The following TTLL5 variants were observed in gnomAD, a reference collection of about 807,000 sequenced individuals.
TTLL5 encodes tubulin polyglutamylase TTLL5.
Under a neutral mutation model 168.4 loss-of-function variants are expected in TTLL5, and 132 were observed. The ratio of observed to expected loss-of-function variants is 0.78; its 90% CI spans 0.68 to 0.91. The LOEUF is 0.91. Ranked by LOEUF, TTLL5 falls within the 40% of genes least tolerant of loss-of-function variation. The pLI, the probability that TTLL5 is intolerant of heterozygous loss-of-function variation, is 0.00. For synonymous variants in TTLL5, 546 were observed against 558.6 expected (o/e 0.98, Z 0.32); for missense variants, 1,545 against 1,581.5 (o/e 0.98, Z 0.39).
rs528764413 is a variant in TTLL5, at chr14:75,680,814, A to G, written c.182-731A>G. On this transcript the variant is annotated intron_variant, in intron 3 of 31. Transcript: ENST00000298832. The stretch of plus-strand genomic sequence containing the variant: ...TAATTTTTTGTATTTTTAAGTAGAG[A>G]TGGGGTTTCACAATGTTGGCCAGGC... Among the ~76,000 whole-genome samples, 6 of 151,846 alleles carry G rather than the reference A, an allele frequency of 4.0e-5. No homozygotes were observed. The East Asian group carries it at 7.8e-4, about 20-fold the overall frequency.
rs116140816 is a variant in TTLL5, at chr14:75,742,296, C to T, written c.1282-2799C>T. On this transcript the variant is annotated intron_variant, in intron 15 of 31. Transcript: ENST00000298832. ...GAGATTTGAGGCTGTTTCTTACTCTCTCTTTACGTAATTTGAGATTTGAGG... is the reference window on the plus strand; with the variant it reads ...GAGATTTGAGGCTGTTTCTTACTCTTTCTTTACGTAATTTGAGATTTGAGG... 7.1e-3 allele frequency among the ~76,000 whole-genome samples: 1,086 copies of T among 152,316 alleles called. 16 individuals are homozygous for T. The highest frequency in any genetic ancestry group is 0.025 in the African/African-American group (1,044 of 41,570).
rs373070614 is a variant in TTLL5, at chr14:75,732,354, C to T, written c.1059C>T (p.Asp353=). The T allele has an allele frequency of 2.7e-5, 43 of 1,613,510 alleles. No individual in the cohort carries two copies. The African/African-American group carries it at 3.1e-4, about 12-fold the overall frequency. Reference sequence around the variant, plus strand: ...TATTTCTAGAACTCTATGGCTTTGACGTGCTCATAGATTCTACTCTGAAGC... The same window carrying T: ...TATTTCTAGAACTCTATGGCTTTGATGTGCTCATAGATTCTACTCTGAAGC... ...RSSCFELYGF[D]VLIDSTLKPW... is the part of the protein sequence containing the mutation. The change falls in exon 13 of 32, where the codon GAC becomes GAT. Residue 353 remains aspartate, a synonymous_variant. Transcript: ENST00000298832.
rs144915295 is a variant in TTLL5 at position 75,768,272 on chromosome 14, C to T, written c.2015+1904C>T. Reference sequence around the variant, plus strand: ...GGAAGGAGTAGTATGGTAAAAGCTGCAGAATGAGCATTTCAGGTCTGTAGA... The same window carrying T: ...GGAAGGAGTAGTATGGTAAAAGCTGTAGAATGAGCATTTCAGGTCTGTAGA... On this transcript the variant is annotated intron_variant, in intron 20 of 31. Coordinates refer to ENST00000298832, the MANE Select transcript of TTLL5 (RefSeq NM_015072.5). Among the ~76,000 whole-genome samples, 318 of 152,252 alleles carry T rather than the reference C, an allele frequency of 2.1e-3. 6 individuals are homozygous for T. The highest frequency in any genetic ancestry group is 7.1e-3 in the African/African-American group (295 of 41,530).
At chr14:75,934,240 C>T (rs1160860913) in intron 31 of TTLL5, among the ~76,000 whole-genome samples, 1 of 152,150 alleles carries the variant, frequency 6.6e-6, no homozygotes, top group Non-Finnish European at 1.5e-5. Context: ...CAAGGGGAGG[C>T]AATTACATAA....
chr14:75,685,239 T>C (rs1884951899), intron 5 of TTLL5, among the ~76,000 whole-genome samples: 1 of 151,808 alleles, frequency 6.6e-6, no homozygotes, highest in Non-Finnish European at 1.5e-5. Flanking sequence ...AAAATTTAGC[T>C]GGGCATGGTG....
intron 27 of TTLL5, among the ~76,000 whole-genome samples, chr14:75,801,908 TG>T (rs1484335378): frequency 6.6e-6 from 1 of 152,164 alleles, no homozygotes; most frequent in African/African-American, 2.4e-5. Context: ...AGTCAGAAAG[TG>T]GTGAGAGTTC....
intron 3 of TTLL5, among the ~76,000 whole-genome samples, chr14:75,671,650 G>A (rs1490507082): frequency 6.6e-6 from 1 of 152,018 alleles, no homozygotes; most frequent in Non-Finnish European, 1.5e-5. Context: ...TGATGTTATT[G>A]TAAATAGAAT....
chr14:75,788,221 A>G (rs1251768303), intron 26 of TTLL5, among the ~76,000 whole-genome samples: 2 of 152,198 alleles, frequency 1.3e-5, no homozygotes, highest in Non-Finnish European at 2.9e-5. Context: ...TTTAGACATT[A>G]TAAAAACAAC....
At chr14:75,863,886 A>G (rs563214742) in intron 29 of TTLL5, 24 bp downstream of exon 29, 9 of 687,502 alleles carry the variant, frequency 1.3e-5, no homozygotes, top group South Asian at 1.8e-5. Flanking sequence ...AGTCTTTTCC[A>G]TGTGTTATAT....
chr14:75,692,411 AACT>A (rs1184344499), intron 6 of TTLL5, among the ~76,000 whole-genome samples: 11 of 152,320 alleles, frequency 7.2e-5, no homozygotes, highest in African/African-American at 2.4e-4. Flanking sequence ...TGTTATTAAT[AACT>A]ACTATTAATT....
chr14:75,807,228 G>A (rs1182188994), intron 27 of TTLL5, among the ~76,000 whole-genome samples: 2 of 152,106 alleles, frequency 1.3e-5, no homozygotes, highest in African/African-American at 2.4e-5. Flanking sequence ...TGGGTGGATC[G>A]CTTGAGCTCG....
intron 9 of TTLL5, chr14:75,711,663 A>G (rs1887089077): frequency 6.6e-6 from 1 of 152,154 alleles, no homozygotes; most frequent in Non-Finnish European, 1.5e-5. Context: ...GGAAGAGAGG[A>G]TTCTGGGAAG....
chr14:75,902,186 T>C lies in TTLL5; in HGVS notation c.3785T>C (p.Leu1262Pro), dbSNP rs143635737. 1.7e-4 allele frequency: 279 copies of C among 1,614,042 alleles called. No homozygotes were observed. The highest frequency in any genetic ancestry group is 2.3e-4 in the Non-Finnish European group (269 of 1,180,018). Residue 1262 changes from leucine to proline, a missense_variant, in exon 31 of 32, where the codon CTT becomes CCT. Physicochemically the swap from Leu to Pro is moderately conservative, Grantham distance 98 (BLOSUM62 -3). Transcript: ENST00000298832. Reference protein sequence around the residue: ...EGQLNGLQSSLNPAAFVPITS... With the variant: ...EGQLNGLQSSPNPAAFVPITS... The stretch of plus-strand genomic sequence containing the variant: ...CAGCTGAATGGACTCCAGAGCAGCC[T>C]TAACCCTGCAGCCTTTGTGCCCATC...
intron 10 of TTLL5, among the ~76,000 whole-genome samples, chr14:75,718,755 G>A (rs562012278): frequency 1.3e-5 from 2 of 152,258 alleles, no homozygotes; most frequent in African/African-American, 4.8e-5. Flanking sequence ...CCAGCTGTGT[G>A]GAAATATTCT....
At chr14:75,773,301 G>GA (rs1891456673) in intron 21 of TTLL5, among the ~76,000 whole-genome samples, 2 of 151,996 alleles carry the variant, frequency 1.3e-5, no homozygotes, top group Non-Finnish European at 2.9e-5. Flanking sequence ...GCTCCACTGT[G>GA]AAAAAAATAA....
rs531610024 is a variant in TTLL5 at position 75,867,182 on chromosome 14, G to A, written c.3522+3320G>A. On this transcript the variant is annotated intron_variant, in intron 29 of 31. Coordinates refer to ENST00000298832, the MANE Select transcript of TTLL5 (RefSeq NM_015072.5). Reference sequence around the variant, plus strand: ...AGCCATAAACAATATGTAAATGAATGAGTGTGGCGGTCTTTCAACAAAACT... The same window carrying A: ...AGCCATAAACAATATGTAAATGAATAAGTGTGGCGGTCTTTCAACAAAACT... 4.6e-5 allele frequency among the ~76,000 whole-genome samples: 7 copies of A among 152,290 alleles called. No homozygotes were observed. The East Asian group carries it at 1.3e-3, about 29-fold the overall frequency.
rs548505112 is a variant in TTLL5 at position 75,813,993 on chromosome 14, C to T, written c.3172-6014C>T. On this transcript the variant is annotated intron_variant, in intron 27 of 31. Coordinates refer to ENST00000298832, the MANE Select transcript of TTLL5 (RefSeq NM_015072.5). ...ACTGGCCCAATGGCTATGACCTCCA[C>T]TTTAATATCCTAATATAGGTTGAGT... Among the ~76,000 whole-genome samples, 7 of 152,312 alleles carry T rather than the reference C, an allele frequency of 4.6e-5. No individual in the cohort carries two copies. In the South Asian group the frequency reaches 1.4e-3, roughly 32 times the overall value.
At chr14:75,912,223 C>T (rs959143305) in intron 31 of TTLL5, among the ~76,000 whole-genome samples, 8 of 151,760 alleles carry the variant, frequency 5.3e-5, no homozygotes, top group Non-Finnish European at 7.4e-5. Context: ...GAATGGAATA[C>T]TTCTCATTCA....
At chr14:75,786,843 A>T (rs1892392253) in intron 26 of TTLL5, among the ~76,000 whole-genome samples, 1 of 152,158 alleles carries the variant, frequency 6.6e-6, no homozygotes, top group South Asian at 2.1e-4. Flanking sequence ...TTTAAAACAT[A>T]GTAAATTGGC....
Sources: gnomAD v4.1 joint callset for allele counts (sites outside exome capture counted in the v4.1 genomes callset) on GRCh38, gnomAD v4.1.1 for gene constraint, MANE v1.5 for transcripts, NCBI Gene and HGNC (gene_info 2026-07-23, HGNC 2026-07-21) for gene names.